Variants in CCBE1 observed in about 807,000 individuals in gnomAD.
The protein encoded by CCBE1 is collagen and calcium-binding EGF domain-containing protein 1.
In CCBE1, 37 loss-of-function variants were observed where a neutral mutation model predicts 50.0. The observed-to-expected ratio is 0.74, with a 90% CI of 0.57 to 0.97. The LOEUF is 0.97. CCBE1 is among the 50% of genes least tolerant of loss of function. The pLI is 0.00. For synonymous variants in CCBE1, 234 were observed against 203.7 expected (o/e 1.15, Z -1.27); for missense variants, 538 against 523.8 (o/e 1.03, Z -0.26).
At chr18:59,651,215 A>G (rs1222186465) in intron 2 of CCBE1, among the ~76,000 whole-genome samples, 1 of 152,228 alleles carries the variant, frequency 6.6e-6, no homozygotes, top group East Asian at 1.9e-4. Flanking sequence ...CAGGGAAAAT[A>G]CGTTCTACTT....
chr18:59,493,207 T>C (rs1351170250), intron 2 of CCBE1, among the ~76,000 whole-genome samples: 1 of 152,222 alleles, frequency 6.6e-6, no homozygotes, highest in African/African-American at 2.4e-5. Flanking sequence ...TGAGATAGTC[T>C]TTCTTAGGTT....
intron 2 of CCBE1, among the ~76,000 whole-genome samples, chr18:59,646,350 T>C (rs575579802): frequency 2.1e-4 from 32 of 152,286 alleles, no homozygotes; most frequent in African/African-American, 7.7e-4. Flanking sequence ...CTGAGAGGGA[T>C]TCTACCCAAG....
intron 2 of CCBE1, among the ~76,000 whole-genome samples, chr18:59,580,767 A>C (rs1326512421): frequency 6.6e-6 from 1 of 152,178 alleles, no homozygotes; most frequent in East Asian, 1.9e-4. Flanking sequence ...TTTTTTAAAA[A>C]CAAAATAAAA....
chr18:59,580,266 C>T (rs2053063017), intron 2 of CCBE1, among the ~76,000 whole-genome samples: 1 of 152,178 alleles, frequency 6.6e-6, no homozygotes. Flanking sequence ...ATAATGCAAC[C>T]GTTGGCCTCT....
chr18:59,669,920 T>G (rs2054409455), intron 2 of CCBE1, among the ~76,000 whole-genome samples: 1 of 152,160 alleles, frequency 6.6e-6, no homozygotes, highest in Admixed American at 6.5e-5. Flanking sequence ...GAATAGGCAC[T>G]CAAAAAAATT....
intron 2 of CCBE1, among the ~76,000 whole-genome samples, chr18:59,692,503 C>T (rs1421648789): frequency 2.0e-5 from 3 of 152,182 alleles, no homozygotes; most frequent in Non-Finnish European, 4.4e-5. Flanking sequence ...GCCATGGGAA[C>T]TTGGTGACTT....
intron 2 of CCBE1, among the ~76,000 whole-genome samples, chr18:59,661,574 C>T (rs944968864): frequency 1.3e-5 from 2 of 152,152 alleles, no homozygotes; most frequent in African/African-American, 4.8e-5. Context: ...ATTGGGGAAA[C>T]ACAGCGTGAG....
intron 5 of CCBE1, among the ~76,000 whole-genome samples, chr18:59,460,269 G>A (rs1911397867): frequency 1.3e-5 from 2 of 152,168 alleles, no homozygotes; most frequent in South Asian, 2.1e-4. Context: ...CTAACAACCA[G>A]CTGAGGTTGT....
chr18:59,504,917 C>T lies in CCBE1; in HGVS notation c.213-24679G>A, dbSNP rs1318894590. Among the ~76,000 whole-genome samples, 7 of 152,122 alleles carry T rather than the reference C, an allele frequency of 4.6e-5. 1 individual carries two copies. The East Asian group carries it at 1.4e-3, about 29-fold the overall frequency. On this transcript the variant is annotated intron_variant, in intron 2 of 10. Transcript: ENST00000439986. ...CATGAAGGTCACAGGTAGCAAATCACAGCAGAGAGGACACTGCCATGGGAG... is the reference window on the plus strand; with the variant it reads ...CATGAAGGTCACAGGTAGCAAATCATAGCAGAGAGGACACTGCCATGGGAG...
chr18:59,485,208 G>T (rs1409665310), intron 2 of CCBE1, among the ~76,000 whole-genome samples: 2 of 152,186 alleles, frequency 1.3e-5, no homozygotes, highest in African/African-American at 4.8e-5. Flanking sequence ...TTGTAATCAA[G>T]AAAGTCTGTG....
intron 7 of CCBE1, 35 bp from the exon 8 acceptor site, chr18:59,439,851 C>T (rs368206829): frequency 1.2e-5 from 19 of 1,611,340 alleles, no homozygotes; most frequent in Non-Finnish European, 1.6e-5. Flanking sequence ...GCTCACAGCA[C>T]ATGAGAAGGA....
intron 2 of CCBE1, among the ~76,000 whole-genome samples, chr18:59,650,523 C>A (rs1428305418): frequency 6.6e-6 from 1 of 151,642 alleles, no homozygotes; most frequent in Non-Finnish European, 1.5e-5. Context: ...GCGGGATAAT[C>A]GTTTCAGAGA....
At chr18:59,610,636 G>A (rs1185780696) in intron 2 of CCBE1, among the ~76,000 whole-genome samples, 1 of 152,168 alleles carries the variant, frequency 6.6e-6, no homozygotes, top group Non-Finnish European at 1.5e-5. Flanking sequence ...TGCATATCTG[G>A]CCTTGTCTGA....
chr18:59,659,339 C>T (rs1487743310), intron 2 of CCBE1, among the ~76,000 whole-genome samples: 1 of 151,424 alleles, frequency 6.6e-6, no homozygotes, highest in Non-Finnish European at 1.5e-5. Context: ...TGTTAGGAGC[C>T]AATACAGACA....
At chr18:59,614,779 C>T (rs2144591361) in intron 2 of CCBE1, among the ~76,000 whole-genome samples, 1 of 152,380 alleles carries the variant, frequency 6.6e-6, no homozygotes, top group Non-Finnish European at 1.5e-5. Context: ...GGACGCAGTC[C>T]TCCTGACTTC....
At chr18:59,652,579 A>G (rs1273614318) in intron 2 of CCBE1, among the ~76,000 whole-genome samples, 2 of 152,234 alleles carry the variant, frequency 1.3e-5, no homozygotes, top group African/African-American at 4.8e-5. Flanking sequence ...ATGAAGAGAA[A>G]GAAAGAGGAG....
intron 1 of CCBE1, 55 bp from the exon 2 acceptor site, chr18:59,696,764 C>G: frequency 6.3e-7 from 1 of 1,581,998 alleles, no homozygotes; most frequent in Non-Finnish European, 8.7e-7. Flanking sequence ...CGGAGGCGGG[C>G]AGCGCGCGCT....
At chr18:59,508,681 G>C (rs1161993855) in intron 2 of CCBE1, among the ~76,000 whole-genome samples, 1 of 148,410 alleles carries the variant, frequency 6.7e-6, no homozygotes, top group Admixed American at 6.7e-5. Context: ...TATGTAAAAT[G>C]GTTTAGCACA....
At chr18:59,644,175 G>T (rs762680628) in intron 2 of CCBE1, among the ~76,000 whole-genome samples, 2 of 152,126 alleles carry the variant, frequency 1.3e-5, no homozygotes, top group African/African-American at 2.4e-5. Context: ...TAGGTCCCTC[G>T]CATGCACTGT....
Sources: gnomAD v4.1 joint callset for allele counts (sites outside exome capture counted in the v4.1 genomes callset) on GRCh38, gnomAD v4.1.1 for gene constraint, MANE v1.5 for transcripts, NCBI Gene and HGNC (gene_info 2026-07-23, HGNC 2026-07-21) for gene names.